The following GNG12 variants were observed in gnomAD, a reference collection of about 807,000 sequenced individuals.
The protein encoded by GNG12 is guanine nucleotide-binding protein G(I)/G(S)/G(O) subunit gamma-12.
For synonymous variants in GNG12, 28 were observed against 29.7 expected (o/e 0.94, Z 0.19); for missense variants, 69 against 83.8 (o/e 0.82, Z 0.69).
intron 1 of GNG12, among the ~76,000 whole-genome samples, chr1:67,784,927 A>C (rs1646759667): frequency 6.6e-6 from 1 of 152,160 alleles, no homozygotes; most frequent in African/African-American, 2.4e-5. Flanking sequence ...CCTGTGAATG[A>C]GCTGGGGAGT....
chr1:67,722,513 A>T (rs1455464870), intron 2 of GNG12, among the ~76,000 whole-genome samples: 2 of 150,790 alleles, frequency 1.3e-5, no homozygotes, highest in African/African-American at 4.9e-5. Flanking sequence ...GTAGGTGCTT[A>T]GAGAAAGGAT....
intron 1 of GNG12, among the ~76,000 whole-genome samples, chr1:67,811,857 A>T (rs1646928182): frequency 6.6e-6 from 1 of 151,776 alleles, no homozygotes; most frequent in Non-Finnish European, 1.5e-5. Flanking sequence ...AAAACTATTG[A>T]TGTAGAGGCT....
At chr1:67,789,665 CAG>C (rs1168915073) in intron 1 of GNG12, among the ~76,000 whole-genome samples, 1 of 152,128 alleles carries the variant, frequency 6.6e-6, no homozygotes, top group Non-Finnish European at 1.5e-5. Context: ...ATGTCTGCTA[CAG>C]AGTCAGGCGG....
At chr1:67,743,866 G>C (rs1287150357) in intron 2 of GNG12, among the ~76,000 whole-genome samples, 1 of 152,110 alleles carries the variant, frequency 6.6e-6, no homozygotes, top group Non-Finnish European at 1.5e-5. Context: ...AATGTTAGTT[G>C]CATGTTAAAC....
chr1:67,734,361 CA>C (rs2100703682), intron 2 of GNG12, among the ~76,000 whole-genome samples: 1 of 152,286 alleles, frequency 6.6e-6, no homozygotes, highest in Admixed American at 6.5e-5. Flanking sequence ...TCTGACCCCA[CA>C]GTGGTAAATG....
At chr1:67,781,791 A>G (rs1646739004) in intron 1 of GNG12, among the ~76,000 whole-genome samples, 1 of 152,152 alleles carries the variant, frequency 6.6e-6, no homozygotes, top group Non-Finnish European at 1.5e-5. Context: ...GAGTCAAGCA[A>G]CTTGGTCAAT....
At chr1:67,811,086 T>G (rs981360780) in intron 1 of GNG12, among the ~76,000 whole-genome samples, 17 of 152,178 alleles carry the variant, frequency 1.1e-4, no homozygotes, top group African/African-American at 3.9e-4. Context: ...GCAATCTGTG[T>G]TTTAACAGCC....
chr1:67,784,455 TTAAA>T (rs1449752441), intron 1 of GNG12, among the ~76,000 whole-genome samples: 2 of 151,524 alleles, frequency 1.3e-5, no homozygotes, highest in African/African-American at 4.9e-5. Context: ...ACCCTAAAAC[TTAAA>T]TAATAAAAAA....
At position 67,713,733 on chromosome 1, in the gene GNG12, CTT is replaced by C. The variant is rs1347227794; in HGVS notation, c.-26-6023_-26-6022del. On this transcript the variant is annotated intron_variant, in intron 2 of 3. Transcript: ENST00000370982. Reference sequence around the variant, plus strand: ...CAACTTTCAATGTCTTTCTCTAGCTCTTTATCTGCCTCTTCTTCTGTAAAAGA... The same window carrying C: ...CAACTTTCAATGTCTTTCTCTAGCTCTATCTGCCTCTTCTTCTGTAAAAGA... Among the ~76,000 whole-genome samples, 3 of 152,174 alleles carry C rather than the reference CTT, an allele frequency of 2.0e-5. No individual in the cohort carries two copies. In the East Asian group the frequency reaches 5.8e-4, roughly 29 times the overall value.
At chr1:67,707,831 G>C (rs2100667973) in intron 2 of GNG12, 119 bp from the exon 3 acceptor site, 1 of 575,726 alleles carries the variant, frequency 1.7e-6, no homozygotes, top group South Asian at 2.5e-5. Flanking sequence ...ACAGCTTCTT[G>C]GAGGCAGTTA....
At chr1:67,808,836 A>T (rs757122975) in intron 1 of GNG12, among the ~76,000 whole-genome samples, 9 of 152,200 alleles carry the variant, frequency 5.9e-5, no homozygotes, top group Non-Finnish European at 1.2e-4. Flanking sequence ...ACAGACAGGA[A>T]AACACAATAT....
chr1:67,720,376 A>C (rs763962475), intron 2 of GNG12, among the ~76,000 whole-genome samples: 11 of 152,252 alleles, frequency 7.2e-5, no homozygotes, highest in Non-Finnish European at 1.5e-4. Flanking sequence ...AGTAACACAC[A>C]GACATGTGTT....
intron 1 of GNG12, among the ~76,000 whole-genome samples, chr1:67,788,828 T>C (rs1016145338): frequency 1.3e-5 from 2 of 152,220 alleles, no homozygotes; most frequent in Non-Finnish European, 2.9e-5. Context: ...GAATGCACTA[T>C]AGTTTCCAAT....
chr1:67,766,108 A>ACACACG (rs2100746559), intron 2 of GNG12, among the ~76,000 whole-genome samples: 2 of 40,594 alleles, frequency 4.9e-5, no homozygotes, highest in African/African-American at 1.5e-4. Flanking sequence ...GCACACACGC[A>ACACACG]CACACACACA....
intron 2 of GNG12, among the ~76,000 whole-genome samples, chr1:67,737,398 T>G (rs1389482837): frequency 6.6e-6 from 1 of 152,226 alleles, no homozygotes; most frequent in Non-Finnish European, 1.5e-5. Flanking sequence ...TGAAGAAAGT[T>G]GGTTCTGAAA....
chr1:67,760,254 C>T (rs991340079), intron 2 of GNG12, among the ~76,000 whole-genome samples: 3 of 152,254 alleles, frequency 2.0e-5, no homozygotes, highest in East Asian at 1.9e-4. Flanking sequence ...TCAAAGTCCA[C>T]GCATGCAAAT....
At chr1:67,774,884 A>G (rs1312023324) in intron 2 of GNG12, among the ~76,000 whole-genome samples, 2 of 152,278 alleles carry the variant, frequency 1.3e-5, no homozygotes, top group African/African-American at 4.8e-5. Flanking sequence ...ATGGTGGAAT[A>G]TACTACAAAA....
At chr1:67,740,168 G>A (rs928325158) in intron 2 of GNG12, among the ~76,000 whole-genome samples, 1 of 152,184 alleles carries the variant, frequency 6.6e-6, no homozygotes, top group African/African-American at 2.4e-5. Context: ...GCTACTCACA[G>A]AGTATATAAG....
chr1:67,784,957 G>A (rs111623395), intron 1 of GNG12, among the ~76,000 whole-genome samples: 7 of 152,090 alleles, frequency 4.6e-5, no homozygotes, highest in African/African-American at 1.4e-4. Context: ...TTGCCTGTAC[G>A]GCAGAGAAAA....
Sources: allele counts gnomAD v4.1 joint callset (sites outside exome capture counted in the v4.1 genomes callset), GRCh38; gene constraint gnomAD v4.1.1; transcripts MANE v1.5; gene names NCBI Gene and HGNC (gene_info 2026-07-23, HGNC 2026-07-21).